MACF1: variants seen among roughly 807,000 people sequenced by gnomAD.
MACF1 encodes the protein microtubule-actin cross-linking factor 1.
MACF1 carries 193 observed loss-of-function variants against 854.8 expected under a neutral mutation model. That is an observed-to-expected ratio of 0.23 (90% confidence interval 0.20 to 0.25). MACF1 has a LOEUF of 0.25. Ranked by LOEUF, MACF1 falls within the 10% of genes least tolerant of loss-of-function variation. MACF1 has a pLI of 1.00. For synonymous variants in MACF1, 3,185 were observed against 3,226.7 expected (o/e 0.99, Z 0.44); for missense variants, 7,722 against 8,929.1 (o/e 0.86, Z 5.45).
At chr1:39,454,439 T>C (rs1377503030) in intron 88 of MACF1, among the ~76,000 whole-genome samples, 1 of 152,198 alleles carries the variant, frequency 6.6e-6, no homozygotes, top group Non-Finnish European at 1.5e-5. Flanking sequence ...TTATTCCAGC[T>C]CTTATCCCAG....
chr1:39,162,080 A>C (rs1195449647), intron 2 of MACF1, among the ~76,000 whole-genome samples: 1 of 150,140 alleles, frequency 6.7e-6, no homozygotes, highest in Admixed American at 6.6e-5. Context: ...TTTTTTTTGC[A>C]ATCTCCGCCT....
Position 39,336,582 on chromosome 1 carries a change from A to T in MACF1, c.9994A>T (p.Thr3332Ser). Reference sequence around the variant, plus strand: ...CAGAGAAAGCCCTGGCAGTGAACAAACTCCCTTCATGACTGCACCTGAAGG... The same window carrying T: ...CAGAGAAAGCCCTGGCAGTGAACAATCTCCCTTCATGACTGCACCTGAAGG... Reference protein sequence around the residue: ...KLRESPGSEQTPFMTAPEGKG... With the variant: ...KLRESPGSEQSPFMTAPEGKG... Residue 3332 changes from threonine to serine, a missense_variant, in exon 37 of 101, where the codon ACT becomes TCT. Thr to Ser is a moderately conservative substitution (Grantham distance 58). Around this residue, in one of 15 missense-constraint regions of MACF1, gnomAD observed 854 missense variants for 852.6 expected, o/e 1.00. Coordinates refer to ENST00000564288, the MANE Select transcript of MACF1 (RefSeq NM_001394062.1). 6.2e-7 allele frequency: 1 copy of T among 1,613,908 alleles called. No homozygotes were observed. Among genetic ancestry groups the T allele is most frequent in the Non-Finnish European group, 8.5e-7 (1 of 1,179,986 alleles).
rs758024485 is a variant in MACF1, at chr1:39,332,827, A to T, written c.6239A>T (p.Asp2080Val). The T allele has an allele frequency of 6.2e-7, 1 of 1,614,142 alleles. No homozygotes were observed. The highest frequency in any genetic ancestry group is 8.5e-7 in the Non-Finnish European group (1 of 1,180,022). The change falls in exon 37 of 101, where the codon GAT (aspartate) becomes GTT (valine). Residue 2080 changes from aspartate (D) to valine (V), a missense_variant. By Grantham distance (152) the Asp-to-Val change is radical. This residue lies in a region of MACF1 where 1,531 missense variants were observed against 1,601.6 expected (regional missense o/e 0.96). Transcript: ENST00000564288. ...EDSSVENPEQ[D>V]LFVEQKERNP... ...TCTTCTGTAGAGAACCCTGAACAGGATCTGTTTGTAGAACAAAAAGAGAGA... is the reference window on the plus strand; with the variant it reads ...TCTTCTGTAGAGAACCCTGAACAGGTTCTGTTTGTAGAACAAAAAGAGAGA...
At chr1:39,296,686 C>T (rs557320656) in intron 20 of MACF1, among the ~76,000 whole-genome samples, 29 of 149,206 alleles carry the variant, frequency 1.9e-4, no homozygotes, top group African/African-American at 7.2e-4. Context: ...GCCAAGATCA[C>T]ACCACTGCAC....
intron 2 of MACF1, among the ~76,000 whole-genome samples, chr1:39,085,591 T>C (rs1641651497): frequency 6.6e-6 from 1 of 152,170 alleles, no homozygotes; most frequent in Admixed American, 6.6e-5. Context: ...AGTATTTTTT[T>C]CTAAAATACA....
chr1:39,152,857 T>TAA lies in MACF1; in HGVS notation c.220+68429_220+68430dup, dbSNP rs34440965. Among the ~76,000 whole-genome samples, 33 of 148,968 alleles carry TAA rather than the reference T, an allele frequency of 2.2e-4. 1 individual carries two copies. Among genetic ancestry groups the TAA allele is most frequent in the East Asian group, 1.6e-3 (8 of 5,104 alleles). Reference sequence around the variant, plus strand: ...CACAAACCAAGTGACTTAAACAAATTAAAAAAAAAAAGGCAGTTGGTGGCC... The same window carrying TAA: ...CACAAACCAAGTGACTTAAACAAATTAAAAAAAAAAAAAGGCAGTTGGTGGCC... On this transcript the variant is annotated intron_variant, in intron 2 of 93. Coordinates refer to the MACF1 transcript ENST00000361689.
chr1:39,246,324 C>T (rs576693460), intron 2 of MACF1, among the ~76,000 whole-genome samples: 3 of 152,330 alleles, frequency 2.0e-5, no homozygotes, highest in Admixed American at 1.3e-4. Context: ...GTATTTCCAG[C>T]TGCTTCAAGA....
chr1:39,395,265 GAGAACTAT>G (rs1051675343), intron 58 of MACF1, among the ~76,000 whole-genome samples: 14 of 152,160 alleles, frequency 9.2e-5, no homozygotes, highest in African/African-American at 3.1e-4. Context: ...ACCCTCTGTT[GAGAACTAT>G]AGCCCTGGAA....
At chr1:39,444,092 T>C (rs1488281462) in intron 79 of MACF1, among the ~76,000 whole-genome samples, 1 of 152,148 alleles carries the variant, frequency 6.6e-6, no homozygotes, top group Non-Finnish European at 1.5e-5. Context: ...TCCCAGCACT[T>C]TGGGAGGCCG....
intron 2 of MACF1, among the ~76,000 whole-genome samples, chr1:39,183,920 T>C (rs1273239138): frequency 6.6e-6 from 1 of 152,206 alleles, no homozygotes; most frequent in Non-Finnish European, 1.5e-5. Flanking sequence ...AGGCCTGTGT[T>C]GGCAGGAAGA....
intron 73 of MACF1, 26 bp from the exon 74 acceptor site, chr1:39,441,198 A>T (rs753231338): frequency 6.2e-7 from 1 of 1,613,676 alleles, no homozygotes; most frequent in African/African-American, 1.3e-5. Flanking sequence ...TTGATTGAAG[A>T]ATCTGATTGA....
At position 39,304,556 on chromosome 1, in the gene MACF1, CT is replaced by C; in HGVS notation, c.2789+1482del. ...TTCAGCAACACTCCTTTCAAATTTT[CT>C]TTTCTTTCTTTTTTTTTTTTTCTTG... On this transcript the variant is annotated intron_variant, in intron 23 of 100. Coordinates refer to ENST00000564288, the MANE Select transcript of MACF1 (RefSeq NM_001394062.1). The C allele has an allele frequency of 3.2e-6, 3 of 942,116 alleles. No individual in the cohort carries two copies. The South Asian group carries it at 4.4e-5, about 14-fold the overall frequency. The allele number at this position is 942,116 out of a possible 1,614,324, so 58.4% of individuals were successfully genotyped here.
chr1:39,255,370 A>G (rs1254132891), intron 5 of MACF1, among the ~76,000 whole-genome samples: 1 of 152,210 alleles, frequency 6.6e-6, no homozygotes, highest in Non-Finnish European at 1.5e-5. Context: ...GGTTTGTGGT[A>G]GAAAGAAGAT....
At chr1:39,463,225 G>C (rs770067586) in intron 93 of MACF1, among the ~76,000 whole-genome samples, 2 of 152,108 alleles carry the variant, frequency 1.3e-5, no homozygotes, top group Non-Finnish European at 2.9e-5. Context: ...GGTGGCTCAC[G>C]CCTGTAATCC....
At chr1:39,295,391 A>G (rs1557570268) in intron 19 of MACF1, among the ~76,000 whole-genome samples, 1 of 152,224 alleles carries the variant, frequency 6.6e-6, no homozygotes, top group Non-Finnish European at 1.5e-5. Context: ...CACAGCTTTC[A>G]GAGGAAAAGT....
chr1:39,172,904 T>C (rs902143293), intron 2 of MACF1, among the ~76,000 whole-genome samples: 30 of 152,360 alleles, frequency 2.0e-4, no homozygotes, highest in African/African-American at 7.2e-4. Flanking sequence ...TCTTGCCTTC[T>C]GGCAGACAGC....
intron 6 of MACF1, among the ~76,000 whole-genome samples, chr1:39,264,939 G>T (rs1302292307): frequency 1.3e-5 from 2 of 152,096 alleles, no homozygotes; most frequent in Admixed American, 6.5e-5. Context: ...CTCCCAAAGT[G>T]CTGGGATTAC....
chr1:39,401,788 T>C lies in MACF1; in HGVS notation c.15816+13130T>C, dbSNP rs149916484. ...TAAGCTCTGGTTTTGGTCTAATTCT[T>C]TAAATTCATACCTAAGCTGTTTGTT... On this transcript the variant is annotated intron_variant, in intron 58 of 100. Coordinates refer to ENST00000564288, the MANE Select transcript of MACF1 (RefSeq NM_001394062.1). Among the ~76,000 whole-genome samples the C allele has an allele frequency of 4.5e-3, 689 of 152,378 alleles. 7 individuals carry two copies. The highest frequency in any genetic ancestry group is 0.041 in the South Asian group (200 of 4,830).
chr1:39,283,192 C>A lies in MACF1; in HGVS notation c.699C>A (p.Pro233=). The A allele has an allele frequency of 6.2e-7, 1 of 1,606,568 alleles. No individual in the cohort carries two copies. The highest frequency in any genetic ancestry group is 1.1e-5 in the South Asian group (1 of 90,812). Residue 233 remains proline (P), a synonymous_variant, in exon 8 of 101, where the codon CCC becomes CCA. Transcript: ENST00000564288. This position sits in a 1 kb window ranked among gnomAD's most constrained non-coding sequence, Gnocchi z 4.5. Reference sequence around the variant, plus strand: ...GTGCCTTGCTGGACTTTTACAGACCCGATCTAGTAGACATGGAGAGGGTGC... The same window carrying A: ...GTGCCTTGCTGGACTTTTACAGACCAGATCTAGTAGACATGGAGAGGGTGC... ...MFNALIHRYR[P]DLVDMERVQI... is the part of the protein sequence containing the mutation.
Sources: allele counts gnomAD v4.1 joint callset (sites outside exome capture counted in the v4.1 genomes callset), GRCh38; gene constraint gnomAD v4.1.1; regional missense constraint gnomAD v4.1.1; non-coding constraint Gnocchi (gnomAD v3.1); transcripts MANE v1.5; gene names NCBI Gene and HGNC (gene_info 2026-07-23, HGNC 2026-07-21).